Variants in GRIA1 observed in about 807,000 individuals in gnomAD.
GRIA1 encodes glutamate ionotropic receptor AMPA type subunit 1.
Under a neutral mutation model 99.2 loss-of-function variants are expected in GRIA1, and 31 were observed. That is an observed-to-expected ratio of 0.31 (90% CI 0.23 to 0.42). GRIA1 has a LOEUF of 0.42. Among genes scored for constraint, GRIA1 ranks in the 10% least tolerant of loss-of-function variants. The pLI is 1.00. For synonymous variants in GRIA1, 438 were observed against 432.4 expected, an observed-to-expected ratio of 1.01 and a Z score of -0.16; for missense variants, 782 against 1,157.5, an observed-to-expected ratio of 0.68 and a Z score of 4.71.
intron 4 of GRIA1, among the ~76,000 whole-genome samples, chr5:153,654,504 TGAAAAAGTAACGAA>T (rs1754795866): frequency 6.6e-6 from 1 of 151,960 alleles, no homozygotes; most frequent in South Asian, 2.1e-4. Context: ...GACAAGCAGA[TGAAAAAGTAACGAA>T]GAATTATTAA....
chr5:153,506,319 GTGTGT>G (rs1561593631), intron 2 of GRIA1, among the ~76,000 whole-genome samples: 8 of 43,876 alleles, frequency 1.8e-4, no homozygotes, highest in Non-Finnish European at 3.2e-4. Context: ...CAAGAAGGGT[GTGTGT>G]GTGTGTGTGT....
At chr5:153,807,161 G>C (rs1440197729) in intron 15 of GRIA1, among the ~76,000 whole-genome samples, 1 of 152,152 alleles carries the variant, frequency 6.6e-6, no homozygotes, top group African/African-American at 2.4e-5. Context: ...TTTCCCCTTT[G>C]ACATGTCGAT....
intron 15 of GRIA1, among the ~76,000 whole-genome samples, chr5:153,804,732 A>ATTT (rs1561874880): frequency 0.012 from 894 of 76,112 alleles, 3 homozygotes; most frequent in Middle Eastern, 0.031. Flanking sequence ...TTAATTAATT[A>ATTT]ATTTATTTAT....
chr5:153,631,238 T>A (rs1462821981), intron 2 of GRIA1, among the ~76,000 whole-genome samples: 4 of 152,178 alleles, frequency 2.6e-5, no homozygotes, highest in African/African-American at 9.7e-5. Context: ...CCTTCAACCA[T>A]CTCTTTGGAT....
At chr5:153,627,273 T>C (rs1240349059) in intron 2 of GRIA1, among the ~76,000 whole-genome samples, 5 of 152,166 alleles carry the variant, frequency 3.3e-5, no homozygotes, top group Admixed American at 6.5e-5. Context: ...AGCAGCACCA[T>C]TGGGTGGGTA....
At chr5:153,662,972 C>T (rs1755479530) in intron 5 of GRIA1, among the ~76,000 whole-genome samples, 1 of 152,180 alleles carries the variant, frequency 6.6e-6, no homozygotes, top group Admixed American at 6.5e-5. Flanking sequence ...CTGCTCTCAC[C>T]TCACTGTTCG....
intron 8 of GRIA1, among the ~76,000 whole-genome samples, chr5:153,696,561 C>T (rs1407847146): frequency 1.3e-5 from 2 of 152,196 alleles, no homozygotes; most frequent in Non-Finnish European, 2.9e-5. Flanking sequence ...TTGTTAATGG[C>T]TGCGAGATTA....
intron 2 of GRIA1, among the ~76,000 whole-genome samples, chr5:153,497,306 C>G (rs1204755252): frequency 1.3e-5 from 2 of 152,030 alleles, no homozygotes; most frequent in African/African-American, 4.8e-5. Context: ...TATTTTGGTG[C>G]CTTTGTGGTA....
At chr5:153,634,916 G>A (rs1429570492) in intron 2 of GRIA1, among the ~76,000 whole-genome samples, 1 of 152,204 alleles carries the variant, frequency 6.6e-6, no homozygotes, top group Non-Finnish European at 1.5e-5. Context: ...TGGTTTTAAA[G>A]ATGCAGAACT....
At chr5:153,571,300 C>G (rs532589748) in intron 2 of GRIA1, among the ~76,000 whole-genome samples, 1 of 152,102 alleles carries the variant, frequency 6.6e-6, no homozygotes, top group Non-Finnish European at 1.5e-5. Context: ...TGTAGGCTCA[C>G]GGGGTAGCCA....
Position 153,811,829 on chromosome 5 carries a change from T to C in GRIA1, c.*604T>C, listed in dbSNP as rs1766838376. ...CCCAAACCTCTGATGGAGATAGACATTGTTGGAGAAGTGGGCTGCCTTCCC... is the reference window on the plus strand; with the variant it reads ...CCCAAACCTCTGATGGAGATAGACACTGTTGGAGAAGTGGGCTGCCTTCCC... On this transcript the variant is annotated 3_prime_UTR_variant, in exon 16 of 16. Coordinates refer to ENST00000285900, the MANE Select transcript of GRIA1 (RefSeq NM_000827.4). 6.5e-6 allele frequency: 1 copy of C among 153,068 alleles called. No individual in the cohort carries two copies. Among genetic ancestry groups the C allele is most frequent in the African/African-American group, 2.4e-5 (1 of 41,408 alleles). The allele number at this position is 153,068 out of a possible 1,614,324, so 9.5% of individuals were successfully genotyped here.
At chr5:153,775,180 T>G (rs957791883) in intron 13 of GRIA1, among the ~76,000 whole-genome samples, 1 of 152,236 alleles carries the variant, frequency 6.6e-6, no homozygotes, top group East Asian at 1.9e-4. Flanking sequence ...TTTATTATGA[T>G]GAATACTTCC....
intron 11 of GRIA1, among the ~76,000 whole-genome samples, chr5:153,761,446 A>G (rs1419860110): frequency 6.6e-6 from 1 of 152,072 alleles, no homozygotes; most frequent in Non-Finnish European, 1.5e-5. Context: ...TCAGGGAAAT[A>G]CAAATCAAAA....
intron 11 of GRIA1, among the ~76,000 whole-genome samples, chr5:153,750,462 C>T (rs900098533): frequency 4.6e-5 from 7 of 152,114 alleles, no homozygotes. Flanking sequence ...TTGGGGATGA[C>T]ACGACGTGTT....
At chr5:153,548,413 G>A (rs963362498) in intron 2 of GRIA1, among the ~76,000 whole-genome samples, 1 of 152,140 alleles carries the variant, frequency 6.6e-6, no homozygotes, top group Non-Finnish European at 1.5e-5. Context: ...AAGGCGAATG[G>A]TGTTGTACCA....
chr5:153,641,816 C>A (rs143480401), intron 2 of GRIA1, among the ~76,000 whole-genome samples: 217 of 152,320 alleles, frequency 1.4e-3, no homozygotes, highest in African/African-American at 5.0e-3. Flanking sequence ...GGTGTCCCTG[C>A]CTGCTGAACT....
chr5:153,505,583 CTG>C (rs1755416459), intron 2 of GRIA1, among the ~76,000 whole-genome samples: 1 of 152,216 alleles, frequency 6.6e-6, no homozygotes, highest in South Asian at 2.1e-4. Flanking sequence ...ACCTGAAAAT[CTG>C]TGAGCATTGT....
chr5:153,608,388 T>C (rs1003573652), intron 2 of GRIA1, among the ~76,000 whole-genome samples: 6 of 152,242 alleles, frequency 3.9e-5, no homozygotes, highest in Non-Finnish European at 8.8e-5. Context: ...TTTACAATGA[T>C]GTTAAGGTGT....
At chr5:153,774,576 T>C (rs1446837720) in intron 13 of GRIA1, among the ~76,000 whole-genome samples, 1 of 152,180 alleles carries the variant, frequency 6.6e-6, no homozygotes, top group East Asian at 1.9e-4. Context: ...GCTTACTGCC[T>C]GTAGTTGTAT....
Sources: gnomAD v4.1 joint callset for allele counts (sites outside exome capture counted in the v4.1 genomes callset) on GRCh38, gnomAD v4.1.1 for gene constraint, MANE v1.5 for transcripts, NCBI Gene and HGNC (gene_info 2026-07-23, HGNC 2026-07-21) for gene names.